PCMTD1: variants seen among roughly 807,000 people sequenced by gnomAD.
The protein encoded by PCMTD1 is protein-L-isoaspartate (D-aspartate) O-methyltransferase domain containing 1, also known as protein-L-isoaspartate O-methyltransferase domain-containing protein 1.
In PCMTD1, 12 loss-of-function variants were observed where a neutral mutation model predicts 37.6. That is an observed-to-expected ratio of 0.32 (90% CI 0.20 to 0.52). PCMTD1 has a LOEUF of 0.52. Among genes scored for constraint, PCMTD1 ranks in the 20% least tolerant of loss-of-function variants. The probability of loss-of-function intolerance (pLI) is 0.97; values close to 1 mark genes in which losing one functional copy is unlikely to be tolerated. For synonymous variants in PCMTD1, 117 were observed against 135.8 expected, an observed-to-expected ratio of 0.86 and a Z score of 0.96; for missense variants, 235 against 421.3, an observed-to-expected ratio of 0.56 and a Z score of 3.87.
At chr8:51,898,596 G>T (rs1226995666) in intron 1 of PCMTD1, among the ~76,000 whole-genome samples, 1 of 152,138 alleles carries the variant, frequency 6.6e-6, no homozygotes, top group Admixed American at 6.5e-5. Flanking sequence ...AGCCGAGGAC[G>T]GGCCGAGGAC....
At chr8:51,890,879 C>G (rs577629898) in intron 1 of PCMTD1, among the ~76,000 whole-genome samples, 1 of 152,290 alleles carries the variant, frequency 6.6e-6, no homozygotes, top group South Asian at 2.1e-4. Flanking sequence ...ACTTCTATCA[C>G]CAAATACATC....
At chr8:51,831,858 A>G (rs1207808203) in intron 4 of PCMTD1, among the ~76,000 whole-genome samples, 1 of 152,234 alleles carries the variant, frequency 6.6e-6, no homozygotes, top group African/African-American at 2.4e-5. Context: ...AAGCACTACA[A>G]TCTATACATG....
chr8:51,887,935 G>C (rs1248939261), intron 1 of PCMTD1, among the ~76,000 whole-genome samples: 1 of 151,950 alleles, frequency 6.6e-6, no homozygotes, highest in African/African-American at 2.4e-5. Context: ...AGTAGAGACG[G>C]AGTTTCACCA....
chr8:51,878,400 A>C (rs1416690154), intron 1 of PCMTD1, among the ~76,000 whole-genome samples: 1 of 152,146 alleles, frequency 6.6e-6, no homozygotes, highest in Non-Finnish European at 1.5e-5. Context: ...TATTTCTCAC[A>C]ATTTTTCTTT....
Position 51,893,000 on chromosome 8 carries a change from A to G in PCMTD1, c.-96+5930T>C, listed in dbSNP as rs149436494. Among the ~76,000 whole-genome samples the G allele has an allele frequency of 1.5e-3, 233 of 152,380 alleles. 6 individuals carry two copies. In the East Asian group the frequency reaches 0.04, roughly 26 times the overall value. Reference sequence around the variant, plus strand: ...AACATGTGATATATTAACTATTTTTAAAGTCAGTGAATTATTTTAAGCTCA... The same window carrying G: ...AACATGTGATATATTAACTATTTTTGAAGTCAGTGAATTATTTTAAGCTCA... On this transcript the variant is annotated intron_variant, in intron 1 of 5. Transcript: ENST00000522514.
chr8:51,898,512 T>C (rs1002252658), intron 1 of PCMTD1, among the ~76,000 whole-genome samples: 37 of 151,724 alleles, frequency 2.4e-4, no homozygotes, highest in Non-Finnish European at 4.0e-4. Flanking sequence ...AAAACGGCCC[T>C]AAGGGGCCCG....
chr8:51,831,997 T>A (rs1244075725), intron 4 of PCMTD1, among the ~76,000 whole-genome samples: 1 of 152,250 alleles, frequency 6.6e-6, no homozygotes, highest in Non-Finnish European at 1.5e-5. Flanking sequence ...ATATAGATTC[T>A]AATTCGACCC....
At chr8:51,883,380 G>A (rs75061868) in intron 1 of PCMTD1, among the ~76,000 whole-genome samples, 17,868 of 152,062 alleles carry the variant, frequency 0.12, 1,289 homozygotes, top group East Asian at 0.17. Flanking sequence ...AGTGTCCTAA[G>A]GCTAGCAAGT....
Position 51,861,336 on chromosome 8 carries a change from T to C in PCMTD1, c.-95-90A>G, listed in dbSNP as rs145147339. On this transcript the variant is annotated intron_variant, in intron 1 of 5. Coordinates refer to ENST00000522514, the MANE Select transcript of PCMTD1 (RefSeq NM_052937.4). ...TTAAATGTATGTCATTATAATTAAC[T>C]ACCATTTCTCATGGAAATATTCTGC... 308 of 916,082 alleles carry C rather than the reference T, an allele frequency of 3.4e-4. 1 individual carries two copies. In the African/African-American group the frequency reaches 4.7e-3, roughly 14 times the overall value. 56.7% of individuals were successfully genotyped at this position (916,082 alleles called of 1,614,324 possible). A position where few individuals can be genotyped will look rare whatever the true frequency, so the allele number is the denominator to read the frequency against.
intron 2 of PCMTD1, among the ~76,000 whole-genome samples, chr8:51,848,096 A>G (rs1356050122): frequency 6.6e-6 from 1 of 152,116 alleles, no homozygotes; most frequent in African/African-American, 2.4e-5. Context: ...GTTTGTTTTA[A>G]AAGAAGAAAG....
chr8:51,862,002 C>T (rs1274826825), intron 1 of PCMTD1, among the ~76,000 whole-genome samples: 1 of 152,186 alleles, frequency 6.6e-6, no homozygotes, highest in Non-Finnish European at 1.5e-5. Flanking sequence ...GCGTAAGCCA[C>T]GTGCCCGACC....
chr8:51,857,473 A>C (rs2038408404), intron 2 of PCMTD1, among the ~76,000 whole-genome samples: 1 of 152,192 alleles, frequency 6.6e-6, no homozygotes, highest in South Asian at 2.1e-4. Flanking sequence ...AATCACAAAG[A>C]GTTTATCAGA....
intron 5 of PCMTD1, among the ~76,000 whole-genome samples, chr8:51,829,911 A>C (rs879890781): frequency 5.3e-5 from 8 of 152,224 alleles, no homozygotes; most frequent in Admixed American, 5.2e-4. Flanking sequence ...CTATGCAATA[A>C]GTTCATTTAA....
At chr8:51,834,910 C>A (rs189533104) in intron 3 of PCMTD1, among the ~76,000 whole-genome samples, 215 of 152,162 alleles carry the variant, frequency 1.4e-3, no homozygotes, top group Middle Eastern at 0.01. Context: ...TGTCTTCATG[C>A]CCCCACGCTA....
At chr8:51,842,788 T>C (rs1263875654) in intron 3 of PCMTD1, among the ~76,000 whole-genome samples, 2 of 152,088 alleles carry the variant, frequency 1.3e-5, no homozygotes, top group Non-Finnish European at 2.9e-5. Context: ...GGTAATACTT[T>C]TGAAAAGGGG....
chr8:51,824,362 A>G (rs906891339), intron 5 of PCMTD1, among the ~76,000 whole-genome samples: 2 of 152,244 alleles, frequency 1.3e-5, no homozygotes, highest in African/African-American at 4.8e-5. Flanking sequence ...CAGATACAAA[A>G]TCAACGTGCA....
intron 1 of PCMTD1, among the ~76,000 whole-genome samples, chr8:51,875,539 T>C (rs1461404529): frequency 6.6e-6 from 1 of 152,202 alleles, no homozygotes; most frequent in African/African-American, 2.4e-5. Flanking sequence ...AATATTAGTA[T>C]ATCAAATCAT....
At chr8:51,821,734 G>A (rs1040608355) in intron 5 of PCMTD1, among the ~76,000 whole-genome samples, 28 of 150,976 alleles carry the variant, frequency 1.9e-4, no homozygotes, top group African/African-American at 6.7e-4. Context: ...GTGGGGTTCT[G>A]GTTTTGTTTT....
intron 5 of PCMTD1, among the ~76,000 whole-genome samples, chr8:51,829,733 G>A (rs2037973037): frequency 6.6e-6 from 1 of 152,086 alleles, no homozygotes; most frequent in African/African-American, 2.4e-5. Flanking sequence ...TCGTGCCACT[G>A]CATTACGGCC....
Sources: allele counts gnomAD v4.1 joint callset (sites outside exome capture counted in the v4.1 genomes callset), GRCh38; gene constraint gnomAD v4.1.1; transcripts MANE v1.5; gene names NCBI Gene and HGNC (gene_info 2026-07-23, HGNC 2026-07-21).